Variants in ACOT12 observed in about 807,000 individuals in gnomAD.
The protein encoded by ACOT12 is acetyl-coenzyme A thioesterase.
ACOT12 carries 51 observed loss-of-function variants against 67.7 expected under a neutral mutation model. The observed-to-expected ratio is 0.75, with a 90% CI of 0.60 to 0.95. The LOEUF is 0.95. ACOT12 is among the 40% of genes least tolerant of loss of function. ACOT12 has a pLI of 0.00. For synonymous variants in ACOT12, 251 were observed against 244.6 expected (o/e 1.03, Z -0.24); for missense variants, 734 against 708.1 (o/e 1.04, Z -0.41).
intron 11 of ACOT12, among the ~76,000 whole-genome samples, chr5:81,339,895 GA>G (rs1020446782): frequency 4.5e-5 from 6 of 133,606 alleles, no homozygotes; most frequent in Non-Finnish European, 6.9e-5. Flanking sequence ...GAAAAAACAT[GA>G]TTTTTTTTTA....
the ACOT12 span, among the ~76,000 whole-genome samples, chr5:81,320,690 C>T: frequency 6.6e-6 from 1 of 152,094 alleles, no homozygotes; most frequent in South Asian, 2.1e-4. Flanking sequence ...GAAAATATGA[C>T]ATTATGAATA....
At chr5:81,325,515 T>A (rs150670350), downstream of ACOT12, among the ~76,000 whole-genome samples, 432 of 152,090 alleles carry the variant, frequency 2.8e-3, 2 homozygotes, top group African/African-American at 9.5e-3. Context: ...TTCCAGGGAG[T>A]GATTATAATG....
chr5:81,330,654 G>A (rs1239229378), intron 14 of ACOT12, 111 bp from the exon 15 acceptor site: 4 of 1,474,600 alleles, frequency 2.7e-6, no homozygotes, highest in East Asian at 4.8e-5. Context: ...AATCTTCTGG[G>A]GGACCTTCTG....
At chr5:81,369,079 T>A (rs936112124) in intron 3 of ACOT12, among the ~76,000 whole-genome samples, 4 of 151,802 alleles carry the variant, frequency 2.6e-5, no homozygotes, top group Non-Finnish European at 5.9e-5. Flanking sequence ...GCAAAATGTA[T>A]ACTTAAAATG....
Position 81,386,794 on chromosome 5 carries a change from A to G in ACOT12, c.128-968T>C, listed in dbSNP as rs553620321. Among the ~76,000 whole-genome samples the G allele has an allele frequency of 1.8e-4, 28 of 152,266 alleles. No homozygotes were observed. The South Asian group carries it at 4.3e-3, about 24-fold the overall frequency. On this transcript the variant is annotated intron_variant, in intron 1 of 14. Transcript: ENST00000307624. ...TGATAGTCCTAGGTAAGAAGACATG[A>G]GAGATACCCCACTGCGCACGTATTT...
At chr5:81,389,971 T>TC (rs1186965822) in intron 1 of ACOT12, among the ~76,000 whole-genome samples, 1 of 150,282 alleles carries the variant, frequency 6.7e-6, no homozygotes, top group African/African-American at 2.4e-5. Context: ...TTTTTTTTTT[T>TC]TGAGACAGGG....
chr5:81,332,943 C>T (rs913297504), intron 12 of ACOT12, among the ~76,000 whole-genome samples: 7 of 151,882 alleles, frequency 4.6e-5, no homozygotes, highest in Admixed American at 4.6e-4. Context: ...GTGGTGCATG[C>T]CTGTACTCCC....
At position 81,336,948 on chromosome 5, in the gene ACOT12, C is replaced by T. The variant is rs1347417669; in HGVS notation, c.1129-1047G>A. The stretch of plus-strand genomic sequence containing the variant: ...ATTTGCTTACACCATTTAACCTCTC[C>T]AATTGAACTTGGTTCCAAGCCTCCC... On this transcript the variant is annotated intron_variant, in intron 11 of 14. Coordinates refer to ENST00000307624, the MANE Select transcript of ACOT12 (RefSeq NM_130767.3). Among the ~76,000 whole-genome samples the T allele has an allele frequency of 4.6e-5, 7 of 152,302 alleles. No individual in the cohort carries two copies. In the East Asian group the frequency reaches 1.4e-3, roughly 29 times the overall value.
Position 81,360,017 on chromosome 5 carries a change from G to T in ACOT12, c.382C>A (p.Leu128Ile), listed in dbSNP as rs1334343845. ...KEKIHLKPVT[L>I]LTEQDHVEHN... ...TCCACATGATCTTGTTCAGTTAGAAGTGTGACTGGTTTTAAATGAATCTAG... is the reference window on the plus strand; with the variant it reads ...TCCACATGATCTTGTTCAGTTAGAATTGTGACTGGTTTTAAATGAATCTAG... The change falls in exon 5 of 15, where the codon CTT becomes ATT. Residue 128 changes from leucine (L) to isoleucine (I), a missense_variant. Leu to Ile is a conservative substitution (Grantham distance 5). Coordinates refer to ENST00000307624, the MANE Select transcript of ACOT12 (RefSeq NM_130767.3). 1 of 1,606,004 alleles carries T rather than the reference G, an allele frequency of 6.2e-7. No homozygotes were observed. Among genetic ancestry groups the T allele is most frequent in the Non-Finnish European group, 8.5e-7 (1 of 1,178,386 alleles).
chr5:81,391,871 A>G (rs766922418), intron 1 of ACOT12, among the ~76,000 whole-genome samples: 1 of 152,190 alleles, frequency 6.6e-6, no homozygotes, highest in Non-Finnish European at 1.5e-5. Context: ...GGAGAGAGAA[A>G]TATCAAGGAT....
chr5:81,357,562 C>T (rs1045102555), intron 5 of ACOT12, among the ~76,000 whole-genome samples: 3 of 152,024 alleles, frequency 2.0e-5, no homozygotes, highest in African/African-American at 7.3e-5. Context: ...ACAGGGTCAC[C>T]CTCTTCCTGG....
At chr5:81,388,977 C>A (rs1356642904) in intron 1 of ACOT12, among the ~76,000 whole-genome samples, 5 of 152,182 alleles carry the variant, frequency 3.3e-5, no homozygotes, top group African/African-American at 1.2e-4. Context: ...GCTTCCCCAC[C>A]CACATGGAAC....
At chr5:81,310,954 A>G in the ACOT12 span, among the ~76,000 whole-genome samples, 3 of 152,168 alleles carry the variant, frequency 2.0e-5, no homozygotes, top group Non-Finnish European at 4.4e-5. Flanking sequence ...AGTGCCTTCC[A>G]TCATATCTCA....
chr5:81,315,036 T>A, the ACOT12 span, among the ~76,000 whole-genome samples: 1 of 152,184 alleles, frequency 6.6e-6, no homozygotes, highest in Non-Finnish European at 1.5e-5. Context: ...ATTTCATCTC[T>A]TCTTACAAAC....
intron 5 of ACOT12, among the ~76,000 whole-genome samples, chr5:81,352,560 CAATT>C: frequency 1.3e-5 from 2 of 151,966 alleles, no homozygotes; most frequent in Middle Eastern, 6.8e-3. Flanking sequence ...AAAATCAAAA[CAATT>C]GAACTCATGG....
At chr5:81,341,719 G>A (rs575912521) in intron 11 of ACOT12, among the ~76,000 whole-genome samples, 22 of 151,954 alleles carry the variant, frequency 1.4e-4, no homozygotes, top group African/African-American at 4.6e-4. Flanking sequence ...AGCTTCCGAG[G>A]GTCTCCTAAA....
At chr5:81,331,078 C>T in intron 13 of ACOT12, 138 bp from the exon 14 acceptor site, 1 of 962,164 alleles carries the variant, frequency 1.0e-6, no homozygotes, top group Non-Finnish European at 1.4e-6. Context: ...AGAGTGGTCT[C>T]ATCAGAAAAC....
the ACOT12 span, among the ~76,000 whole-genome samples, chr5:81,318,762 C>T: frequency 2.0e-5 from 3 of 152,318 alleles, no homozygotes; most frequent in Admixed American, 1.3e-4. Flanking sequence ...CTGCATCAGG[C>T]AGTTATGATG....
chr5:81,376,983 A>T (rs1179309371), intron 2 of ACOT12, among the ~76,000 whole-genome samples: 1 of 152,232 alleles, frequency 6.6e-6, no homozygotes, highest in Non-Finnish European at 1.5e-5. Context: ...TCTCTAACTC[A>T]TTCTGTGAGG....
Sources: allele counts gnomAD v4.1 joint callset (sites outside exome capture counted in the v4.1 genomes callset), GRCh38; gene constraint gnomAD v4.1.1; transcripts MANE v1.5; gene names NCBI Gene and HGNC (gene_info 2026-07-23, HGNC 2026-07-21).